CDH13: variants seen among roughly 807,000 people sequenced by gnomAD.
CDH13 encodes the protein cadherin-13.
CDH13 carries 24 observed loss-of-function variants against 63.8 expected under a neutral mutation model. The ratio of observed to expected loss-of-function variants is 0.38; its 90% CI spans 0.27 to 0.53. The LOEUF (loss-of-function observed/expected upper bound fraction) is 0.53, where lower values mean the gene tolerates loss of function less well. CDH13 is among the 20% of genes least tolerant of loss of function. The pLI is 0.85. For synonymous variants in CDH13, 503 were observed against 355.3 expected (o/e 1.42, Z -4.67); for missense variants, 1,049 against 903.1 (o/e 1.16, Z -2.07).
At chr16:82,655,154 C>A (rs961667813) in intron 1 of CDH13, among the ~76,000 whole-genome samples, 1 of 152,174 alleles carries the variant, frequency 6.6e-6, no homozygotes, top group Non-Finnish European at 1.5e-5. Flanking sequence ...ACTGAATGCC[C>A]GCAAGCACCA....
intron 5 of CDH13, among the ~76,000 whole-genome samples, chr16:83,292,256 G>C (rs1428463750): frequency 6.6e-6 from 1 of 152,152 alleles, no homozygotes; most frequent in African/African-American, 2.4e-5. Context: ...TTTCTCCTTT[G>C]CACAGTGGGA....
chr16:83,653,285 T>C (rs868296023), intron 8 of CDH13, among the ~76,000 whole-genome samples: 12 of 152,178 alleles, frequency 7.9e-5, no homozygotes, highest in African/African-American at 7.2e-5. Context: ...ACAATTTAAA[T>C]TGATGAATTT....
chr16:83,672,670 C>A (rs1211997998), intron 9 of CDH13, among the ~76,000 whole-genome samples: 1 of 151,980 alleles, frequency 6.6e-6, no homozygotes, highest in Non-Finnish European at 1.5e-5. Flanking sequence ...AGTGATCTGC[C>A]CGCCTTGGCC....
At chr16:83,376,153 C>T (rs1034595048) in intron 6 of CDH13, among the ~76,000 whole-genome samples, 3 of 152,202 alleles carry the variant, frequency 2.0e-5, no homozygotes, top group South Asian at 2.1e-4. Context: ...ATTTTCCCTA[C>T]TATTTTAGCA....
chr16:82,758,641 G>A (rs1364804417), intron 1 of CDH13, among the ~76,000 whole-genome samples: 3 of 152,278 alleles, frequency 2.0e-5, no homozygotes, highest in South Asian at 2.1e-4. Context: ...GAATATGGCC[G>A]CCTATGCTTA....
chr16:83,218,360 AT>A (rs1438903142), intron 5 of CDH13, among the ~76,000 whole-genome samples: 2 of 152,156 alleles, frequency 1.3e-5, no homozygotes, highest in Non-Finnish European at 2.9e-5. Context: ...TGCTTTCCAG[AT>A]GTCCATCTCG....
intron 6 of CDH13, among the ~76,000 whole-genome samples, chr16:83,457,000 A>T (rs920293557): frequency 6.6e-6 from 1 of 152,158 alleles, no homozygotes; most frequent in Non-Finnish European, 1.5e-5. Context: ...CATGTCCCTG[A>T]TGGAGCTGAA....
chr16:83,242,578 C>T (rs1904572068), intron 5 of CDH13, among the ~76,000 whole-genome samples: 1 of 152,112 alleles, frequency 6.6e-6, no homozygotes, highest in Non-Finnish European at 1.5e-5. Context: ...CAGAGTGAGC[C>T]AACCAACATC....
chr16:83,692,278 T>G (rs1190592294), intron 10 of CDH13, among the ~76,000 whole-genome samples: 2 of 152,220 alleles, frequency 1.3e-5, no homozygotes, highest in African/African-American at 4.8e-5. Context: ...CAGATGCCTG[T>G]AAGAGCATGG....
intron 7 of CDH13, among the ~76,000 whole-genome samples, chr16:83,580,448 T>TTCTCTCTCTCTCTCTCTCTC (rs55664829): frequency 1.3e-5 from 1 of 76,368 alleles, no homozygotes; most frequent in African/African-American, 4.9e-5. Context: ...TTCTGTTCAT[T>TTCTCTCTCTCTCTCTCTCTC]TCTCTCTCTC....
At chr16:83,673,757 A>C (rs1205747451) in intron 9 of CDH13, among the ~76,000 whole-genome samples, 2 of 152,206 alleles carry the variant, frequency 1.3e-5, no homozygotes, top group Non-Finnish European at 2.9e-5. Flanking sequence ...GCTGTGTCAG[A>C]ATATGAGAGA....
intron 2 of CDH13, among the ~76,000 whole-genome samples, chr16:82,984,282 A>C (rs1177737418): frequency 6.6e-6 from 1 of 152,232 alleles, no homozygotes; most frequent in East Asian, 1.9e-4. Flanking sequence ...GAACCACCCC[A>C]GACTTGAAGT....
At chr16:83,506,637 C>G (rs891283237) in intron 7 of CDH13, among the ~76,000 whole-genome samples, 1 of 152,228 alleles carries the variant, frequency 6.6e-6, no homozygotes, top group Non-Finnish European at 1.5e-5. Flanking sequence ...GCGTGGTCCC[C>G]TCCCACATCG....
chr16:82,660,864 T>C (rs994248404), intron 1 of CDH13, among the ~76,000 whole-genome samples: 2 of 152,068 alleles, frequency 1.3e-5, no homozygotes, highest in Non-Finnish European at 2.9e-5. Flanking sequence ...ATGTGGATGT[T>C]AACAAAGATG....
intron 6 of CDH13, among the ~76,000 whole-genome samples, chr16:83,433,761 C>G (rs1310971114): frequency 3.3e-5 from 5 of 152,200 alleles, no homozygotes; most frequent in Non-Finnish European, 1.5e-5. Flanking sequence ...TGCCATGTCA[C>G]ATTACACTTG....
chr16:83,394,490 G>A (rs7198413), intron 6 of CDH13, among the ~76,000 whole-genome samples: 46,141 of 151,770 alleles, frequency 0.3, 7,480 homozygotes, highest in East Asian at 0.68. Flanking sequence ...TTGTAAGGAT[G>A]TGGGATGGAT....
At chr16:82,779,753 T>C (rs1597553094) in intron 1 of CDH13, among the ~76,000 whole-genome samples, 1 of 152,166 alleles carries the variant, frequency 6.6e-6, no homozygotes, top group African/African-American at 2.4e-5. Flanking sequence ...CTGTGCTGTG[T>C]GAATATACCT....
chr16:83,294,488 G>A (rs2089541172), intron 5 of CDH13, among the ~76,000 whole-genome samples: 2 of 152,072 alleles, frequency 1.3e-5, no homozygotes, highest in Non-Finnish European at 2.9e-5. Context: ...ATGAGACTAT[G>A]TGGTATTTGC....
chr16:83,022,904 C>T (rs992096516), intron 2 of CDH13: 7 of 152,198 alleles, frequency 4.6e-5, no homozygotes, highest in Non-Finnish European at 8.8e-5. Context: ...TCATACCTAG[C>T]TCTGCAAGCA....
Sources: gnomAD v4.1 joint callset for allele counts (sites outside exome capture counted in the v4.1 genomes callset) on GRCh38, gnomAD v4.1.1 for gene constraint, MANE v1.5 for transcripts, NCBI Gene and HGNC (gene_info 2026-07-23, HGNC 2026-07-21) for gene names.